ANTXR1: variants seen among roughly 807,000 people sequenced by gnomAD.
ANTXR1 encodes anthrax toxin receptor 1.
ANTXR1 carries 19 observed loss-of-function variants against 78.1 expected under a neutral mutation model. That is an observed-to-expected ratio of 0.24 (90% CI 0.17 to 0.36). The LOEUF is 0.36. Among genes scored for constraint, ANTXR1 ranks in the 10% least tolerant of loss-of-function variants. The pLI is 1.00. For synonymous variants in ANTXR1, 273 were observed against 260.5 expected, an observed-to-expected ratio of 1.05 and a Z score of -0.46; for missense variants, 518 against 718.6, an observed-to-expected ratio of 0.72 and a Z score of 3.19.
At chr2:69,241,701 C>T (rs1002540917) in intron 17 of ANTXR1, among the ~76,000 whole-genome samples, 11 of 152,022 alleles carry the variant, frequency 7.2e-5, no homozygotes, top group African/African-American at 2.7e-4. Context: ...AAGCTCTAGT[C>T]TGCAGCTCAC....
chr2:69,121,173 G>A (rs971995073), intron 10 of ANTXR1, among the ~76,000 whole-genome samples: 3 of 152,172 alleles, frequency 2.0e-5, no homozygotes, highest in African/African-American at 7.2e-5. Context: ...AACAATTTGT[G>A]TAATTACTAG....
chr2:69,043,010 A>G (rs1201645202), intron 2 of ANTXR1, among the ~76,000 whole-genome samples: 1 of 152,172 alleles, frequency 6.6e-6, no homozygotes, highest in Non-Finnish European at 1.5e-5. Context: ...TGCCCACATC[A>G]GTACGCTGAG....
At chr2:69,149,494 C>A (rs1306976743) in intron 12 of ANTXR1, among the ~76,000 whole-genome samples, 2 of 152,174 alleles carry the variant, frequency 1.3e-5, no homozygotes, top group Admixed American at 6.5e-5. Context: ...TGCTTTAGTT[C>A]ATCTACCTAA....
At position 69,044,823 on chromosome 2, in the gene ANTXR1, C is replaced by T. The variant is rs745546355; in HGVS notation, c.296+10C>T. On this transcript the variant is annotated intron_variant, in intron 3 of 17. Coordinates refer to ENST00000303714, the MANE Select transcript of ANTXR1 (RefSeq NM_032208.3). Reference sequence around the variant, plus strand: ...AACTGACAGAAGACAGGTAAGGATACTTCTTATCTCTGTTGTTAAAAAGTC... The same window carrying T: ...AACTGACAGAAGACAGGTAAGGATATTTCTTATCTCTGTTGTTAAAAAGTC... 6.2e-7 allele frequency: 1 copy of T among 1,612,928 alleles called. No individual in the cohort carries two copies. The highest frequency in any genetic ancestry group is 8.5e-7 in the Non-Finnish European group (1 of 1,179,142).
At chr2:69,150,049 C>T (rs370146545) in intron 12 of ANTXR1, among the ~76,000 whole-genome samples, 135 of 152,352 alleles carry the variant, frequency 8.9e-4, no homozygotes, top group African/African-American at 2.6e-3. Context: ...CCCCTGGGGG[C>T]AGTCTGGCAT....
intron 12 of ANTXR1, among the ~76,000 whole-genome samples, chr2:69,126,874 T>C (rs1672557737): frequency 6.6e-6 from 1 of 152,232 alleles, no homozygotes; most frequent in South Asian, 2.1e-4. Flanking sequence ...TCTCTTCACT[T>C]GACCCTTGAT....
chr2:69,091,878 A>G (rs1418885199), intron 9 of ANTXR1, among the ~76,000 whole-genome samples: 1 of 152,240 alleles, frequency 6.6e-6, no homozygotes, highest in Non-Finnish European at 1.5e-5. Context: ...TGCTCGTTTC[A>G]TATTTAATGG....
chr2:69,178,665 T>C (rs1558624914), intron 14 of ANTXR1, among the ~76,000 whole-genome samples: 3 of 152,186 alleles, frequency 2.0e-5, no homozygotes, highest in African/African-American at 7.2e-5. Context: ...TGCATCTTAC[T>C]ATATCCTGAG....
chr2:69,244,853 C>G (rs559830661), intron 17 of ANTXR1, among the ~76,000 whole-genome samples: 1 of 152,256 alleles, frequency 6.6e-6, no homozygotes, highest in East Asian at 1.9e-4. Context: ...AAAAGTAACT[C>G]CGCTTTTCTG....
intron 1 of ANTXR1, among the ~76,000 whole-genome samples, chr2:69,016,834 T>C (rs1396409296): frequency 6.6e-6 from 1 of 152,330 alleles, no homozygotes; most frequent in East Asian, 1.9e-4. Flanking sequence ...GAAAATCATG[T>C]CAAGTGGGTC....
chr2:69,028,362 C>T lies in ANTXR1; in HGVS notation c.153-11682C>T, dbSNP rs541260640. The stretch of plus-strand genomic sequence containing the variant: ...GTGGGAAGAAAACACATGGTACCTG[C>T]GAAGGCTCTGAACATTAAATGGTGA... On this transcript the variant is annotated intron_variant, in intron 1 of 17. Coordinates refer to ENST00000303714, the MANE Select transcript of ANTXR1 (RefSeq NM_032208.3). Among the ~76,000 whole-genome samples, 16 of 152,036 alleles carry T rather than the reference C, an allele frequency of 1.1e-4. No individual in the cohort carries two copies. In the South Asian group the frequency reaches 2.1e-3, roughly 20 times the overall value.
chr2:69,185,654 T>G (rs1674398236), intron 16 of ANTXR1, among the ~76,000 whole-genome samples: 1 of 152,002 alleles, frequency 6.6e-6, no homozygotes, highest in African/African-American at 2.4e-5. Flanking sequence ...ATTGTTAAAA[T>G]AGGCAAAGAG....
At chr2:69,211,063 G>A (rs541641990) in intron 17 of ANTXR1, among the ~76,000 whole-genome samples, 22 of 152,170 alleles carry the variant, frequency 1.4e-4, no homozygotes, top group Middle Eastern at 3.4e-3. Context: ...GGGCTGGTCC[G>A]AAAAGGCTAC....
chr2:69,080,106 A>G (rs1670855149), intron 8 of ANTXR1, among the ~76,000 whole-genome samples: 1 of 152,230 alleles, frequency 6.6e-6, no homozygotes, highest in African/African-American at 2.4e-5. Context: ...GTGAGCTTTT[A>G]TCTGTGAGTT....
intron 3 of ANTXR1, among the ~76,000 whole-genome samples, chr2:69,064,321 G>A (rs1462214790): frequency 6.6e-6 from 1 of 151,558 alleles, no homozygotes; most frequent in Non-Finnish European, 1.5e-5. Flanking sequence ...TGGAACAGCT[G>A]AAGATCTCTC....
intron 12 of ANTXR1, among the ~76,000 whole-genome samples, chr2:69,146,935 G>A (rs1673246390): frequency 6.6e-6 from 1 of 152,272 alleles, no homozygotes; most frequent in African/African-American, 2.4e-5. Context: ...GAGTTAGGCT[G>A]TGAGCAGCAG....
chr2:69,110,349 A>G (rs999090358), intron 10 of ANTXR1, among the ~76,000 whole-genome samples: 1 of 152,208 alleles, frequency 6.6e-6, no homozygotes, highest in Non-Finnish European at 1.5e-5. Flanking sequence ...AGTATTGTTT[A>G]TAATAGCAAA....
At chr2:69,034,249 T>G (rs893826397) in intron 1 of ANTXR1, among the ~76,000 whole-genome samples, 1 of 152,228 alleles carries the variant, frequency 6.6e-6, no homozygotes, top group African/African-American at 2.4e-5. Context: ...TAGTGAAGAC[T>G]GGTGGCTTTC....
At position 69,194,304 on chromosome 2, in the gene ANTXR1, A is replaced by T. The variant is rs567282200; in HGVS notation, c.1434+889A>T. 2.0e-5 allele frequency among the ~76,000 whole-genome samples: 3 copies of T among 152,364 alleles called. No homozygotes were observed. In the South Asian group the frequency reaches 6.2e-4, roughly 32 times the overall value. The stretch of plus-strand genomic sequence containing the variant: ...TTTCCCTCAACTACCAGCAACCTGC[A>T]TCTTCCATCCATTTCTTTGGGAATC... On this transcript the variant is annotated intron_variant, in intron 17 of 17. Transcript: ENST00000303714.
Sources: allele counts gnomAD v4.1 joint callset (sites outside exome capture counted in the v4.1 genomes callset), GRCh38; gene constraint gnomAD v4.1.1; transcripts MANE v1.5; gene names NCBI Gene and HGNC (gene_info 2026-07-23, HGNC 2026-07-21).